Variants in BCKDHA observed in about 807,000 individuals in gnomAD.
BCKDHA encodes the protein 2-oxoisovalerate dehydrogenase subunit alpha, mitochondrial.
BCKDHA carries 43 observed loss-of-function variants against 52.2 expected under a neutral mutation model. That is an observed-to-expected ratio of 0.82 (90% CI 0.64 to 1.06). The LOEUF (loss-of-function observed/expected upper bound fraction) is 1.06, where lower values mean the gene tolerates loss of function less well. Among genes scored for constraint, BCKDHA ranks in the 50% least tolerant of loss-of-function variants. The probability of loss-of-function intolerance (pLI) is 0.00; values close to 1 mark genes in which losing one functional copy is unlikely to be tolerated. For synonymous variants in BCKDHA, 234 were observed against 247.9 expected (o/e 0.94, Z 0.53); for missense variants, 527 against 621.3 (o/e 0.85, Z 1.61).
intron 1 of BCKDHA, among the ~76,000 whole-genome samples, chr19:41,408,262 C>T (rs1422913621): frequency 1.5e-5 from 1 of 64,844 alleles, no homozygotes; most frequent in Admixed American, 1.4e-4. Flanking sequence ...GCATCCCCAC[C>T]TTTTTTTTTT....
At chr19:41,423,818 G>A (rs2039397082) in intron 8 of BCKDHA, among the ~76,000 whole-genome samples, 1 of 137,840 alleles carries the variant, frequency 7.3e-6, no homozygotes, top group South Asian at 2.3e-4. Flanking sequence ...GGCAACGAGA[G>A]CAAGACTCCA....
intron 7 of BCKDHA, 108 bp downstream of exon 7, chr19:41,422,878 C>T: frequency 6.3e-7 from 1 of 1,587,234 alleles, no homozygotes. Context: ...CCTGATGTTG[C>T]ATCTCCCCCT....
At chr19:41,401,439 A>G (rs1473472644) in intron 1 of BCKDHA, among the ~76,000 whole-genome samples, 1 of 152,138 alleles carries the variant, frequency 6.6e-6, no homozygotes, top group African/African-American at 2.4e-5. Flanking sequence ...GAGAGGCTGC[A>G]TATTGTAGAC....
rs908547972 is a variant in BCKDHA at position 41,410,751 on chromosome 19, G to A, written c.223G>A (p.Gly75Arg). Residue 75 changes from glycine (G) to arginine (R), a missense_variant, in exon 2 of 9, where the codon GGA (glycine) becomes AGA (arginine). Physicochemically the swap from Gly to Arg is moderately radical, Grantham distance 125. Transcript: ENST00000269980. ...LEFIQPNVIS[G>R]IPIYRVMDRQ... ...ATTCATCCAGCCCAACGTCATCTCT[G>A]GAATCCCCATCTACCGCGTCATGGA... 6.2e-7 allele frequency: 1 copy of A among 1,614,134 alleles called. No homozygotes were observed. The highest frequency in any genetic ancestry group is 8.5e-7 in the Non-Finnish European group (1 of 1,180,032).
At chr19:41,400,855 CA>C (rs1405568120) in intron 1 of BCKDHA, among the ~76,000 whole-genome samples, 1 of 151,336 alleles carries the variant, frequency 6.6e-6, no homozygotes, top group Non-Finnish European at 1.5e-5. Flanking sequence ...ACTAAAAATA[CA>C]AAAAAATTAG....
chr19:41,416,791 C>T (rs2039312373), intron 4 of BCKDHA, among the ~76,000 whole-genome samples: 1 of 151,844 alleles, frequency 6.6e-6, no homozygotes, highest in African/African-American at 2.4e-5. Context: ...TGGTGGTGCA[C>T]ACCTGTAGTC....
intron 3 of BCKDHA, among the ~76,000 whole-genome samples, chr19:41,413,465 C>T (rs1287937521): frequency 1.3e-5 from 2 of 152,132 alleles, no homozygotes; most frequent in Non-Finnish European, 1.5e-5. Flanking sequence ...CTCCCGCCTC[C>T]CTCTGCTACC....
At chr19:41,423,786 C>T (rs897171239) in intron 8 of BCKDHA, among the ~76,000 whole-genome samples, 3 of 151,642 alleles carry the variant, frequency 2.0e-5, no homozygotes, top group Non-Finnish European at 4.4e-5. Context: ...GAGCTGAGAT[C>T]GTACCATTGC....
Position 41,423,998 on chromosome 19 carries a change from A to G in BCKDHA, c.1168-440A>G, listed in dbSNP as rs2039399729. ...ACAGAGCAAGACTATCTCTTAAAAA[A>G]AAAAAAAAGCTGGTTTGAGGATTAG... On this transcript the variant is annotated intron_variant, in intron 8 of 8. Coordinates refer to ENST00000269980, the MANE Select transcript of BCKDHA (RefSeq NM_000709.4). Among the ~76,000 whole-genome samples, 5 of 152,226 alleles carry G rather than the reference A, an allele frequency of 3.3e-5. No individual in the cohort carries two copies. In the South Asian group the frequency reaches 1.0e-3, roughly 32 times the overall value.
At position 41,419,302 on chromosome 19, in the gene BCKDHA, G is replaced by GATGC. The variant is rs2122135109; in HGVS notation, c.646+11_646+14dup. The GATGC allele has an allele frequency of 3.1e-6, 5 of 1,611,270 alleles. No individual in the cohort carries two copies. Among genetic ancestry groups the GATGC allele is most frequent in the Non-Finnish European group, 4.2e-6 (5 of 1,178,662 alleles). On this transcript the variant is annotated splice_region_variant and intron_variant, in intron 5 of 8. Coordinates refer to ENST00000269980, the MANE Select transcript of BCKDHA (RefSeq NM_000709.4). ...GGCCACGCAGATCCCTCAGGGTGAGGATGCATGCCCTGTACCTTGCACATG... is the reference window on the plus strand; with the variant it reads ...GGCCACGCAGATCCCTCAGGGTGAGGATGCATGCATGCCCTGTACCTTGCACATG...
At position 41,410,754 on chromosome 19, in the gene BCKDHA, A is replaced by G. The variant is rs2039243306; in HGVS notation, c.226A>G (p.Ile76Val). The change falls in exon 2 of 9, where the codon ATC becomes GTC. Residue 76 changes from isoleucine to valine, a missense_variant. Transcript: ENST00000269980. ...CATCCAGCCCAACGTCATCTCTGGA[A>G]TCCCCATCTACCGCGTCATGGACCG... Reference protein sequence around the residue: ...EFIQPNVISGIPIYRVMDRQG... With the variant: ...EFIQPNVISGVPIYRVMDRQG... 6.2e-7 allele frequency: 1 copy of G among 1,613,984 alleles called. No homozygotes were observed. Among genetic ancestry groups the G allele is most frequent in the Admixed American group, 1.7e-5 (1 of 59,996 alleles).
intron 4 of BCKDHA, among the ~76,000 whole-genome samples, chr19:41,416,283 A>C (rs2039307372): frequency 6.6e-6 from 1 of 151,988 alleles, no homozygotes; most frequent in Non-Finnish European, 1.5e-5. Flanking sequence ...AGCCTCGGAG[A>C]CTGTCATTTC....
chr19:41,422,265 T>C lies in BCKDHA; in HGVS notation c.748T>C (p.Phe250Leu), dbSNP rs1599960627. 1 of 1,614,200 alleles carries C rather than the reference T, an allele frequency of 6.2e-7. No homozygotes were observed. Among genetic ancestry groups the C allele is most frequent in the East Asian group, 2.2e-5 (1 of 44,882 alleles). The change falls in exon 6 of 9, where the codon TTC (phenylalanine) becomes CTC (leucine). Residue 250 changes from phenylalanine (F) to leucine (L), a missense_variant. Physicochemically the swap from Phe to Leu is conservative, Grantham distance 22. Coordinates refer to ENST00000269980, the MANE Select transcript of BCKDHA (RefSeq NM_000709.4). ...CAGTGAGGGGGACGCCCATGCCGGCTTCAACTTCGCTGCCACACTTGAGTG... is the reference window on the plus strand; with the variant it reads ...CAGTGAGGGGGACGCCCATGCCGGCCTCAACTTCGCTGCCACACTTGAGTG... ...AASEGDAHAG[F>L]NFAATLECPI... is the part of the protein sequence containing the mutation.
intron 1 of BCKDHA, among the ~76,000 whole-genome samples, chr19:41,408,870 A>G (rs886133813): frequency 3.3e-5 from 5 of 152,026 alleles, no homozygotes; most frequent in Non-Finnish European, 5.9e-5. Context: ...TTGAGCCCAA[A>G]GTGTTGGGAT....
chr19:41,416,700 G>A (rs2039311644), intron 4 of BCKDHA, among the ~76,000 whole-genome samples: 1 of 152,108 alleles, frequency 6.6e-6, no homozygotes, highest in South Asian at 2.1e-4. Context: ...CGGGAGGATT[G>A]CTTGAGCCCA....
intron 5 of BCKDHA, among the ~76,000 whole-genome samples, chr19:41,420,744 A>T (rs2039355565): frequency 6.6e-6 from 1 of 152,200 alleles, no homozygotes; most frequent in Non-Finnish European, 1.5e-5. Context: ...CAGTCCTCAG[A>T]GTCAAGTAAG....
At chr19:41,418,091 C>CAAA (rs66838098) in intron 4 of BCKDHA, among the ~76,000 whole-genome samples, 1 of 72,032 alleles carries the variant, frequency 1.4e-5, no homozygotes, top group Non-Finnish European at 2.5e-5. Flanking sequence ...GACTCTGTCT[C>CAAA]AAAAAAAAAA....
At chr19:41,410,568 C>T (rs1329422501) in intron 1 of BCKDHA, 69 bp from the exon 2 acceptor site, 22 of 1,577,004 alleles carry the variant, frequency 1.4e-5, no homozygotes, top group East Asian at 2.3e-5. Context: ...TGCCTGCCGC[C>T]GGGGCTGAGC....
At chr19:41,405,928 C>T (rs1028738856) in intron 1 of BCKDHA, among the ~76,000 whole-genome samples, 2 of 152,182 alleles carry the variant, frequency 1.3e-5, no homozygotes, top group African/African-American at 4.8e-5. Flanking sequence ...GCAGCCTCTG[C>T]CATTGTAAAT....
Sources: allele counts gnomAD v4.1 joint callset (sites outside exome capture counted in the v4.1 genomes callset), GRCh38; gene constraint gnomAD v4.1.1; transcripts MANE v1.5; gene names NCBI Gene and HGNC (gene_info 2026-07-23, HGNC 2026-07-21).